KCNQ1: variants seen among roughly 807,000 people sequenced by gnomAD.
KCNQ1 encodes the protein potassium voltage-gated channel subfamily KQT member 1.
Under a neutral mutation model 72.4 loss-of-function variants are expected in KCNQ1, and 49 were observed. That is an observed-to-expected ratio of 0.68 (90% CI 0.54 to 0.86). The LOEUF (loss-of-function observed/expected upper bound fraction) is 0.86. Ranked by LOEUF, KCNQ1 falls within the 40% of genes least tolerant of loss-of-function variation. KCNQ1 has a pLI of 0.00. For missense variants in KCNQ1, 790 were observed against 945.1 expected, an observed-to-expected ratio of 0.84 and a Z score of 2.15; for synonymous variants, 450 against 412.6, an observed-to-expected ratio of 1.09 and a Z score of -1.10.
rs755250942 is a variant in KCNQ1 at position 2,482,212 on chromosome 11, G to A, written c.386+36728G>A. ...TGCGTGTGTGTGTGTGTATATGTGT[G>A]TGTGTGCATACTTGCCTATGTGTGT... On this transcript the variant is annotated intron_variant, in intron 1 of 15. Coordinates refer to ENST00000155840, the MANE Select transcript of KCNQ1 (RefSeq NM_000218.3). This position sits in a 1 kb window ranked among gnomAD's most constrained non-coding sequence, Gnocchi z 5.7. Among the ~76,000 whole-genome samples the A allele has an allele frequency of 1.1e-4, 17 of 152,176 alleles. No individual in the cohort carries two copies. The highest frequency in any genetic ancestry group is 1.6e-4 in the Non-Finnish European group (11 of 68,042).
In KCNQ1 at chr11:2,670,043, GCACT is replaced by G. The variant is rs1850152872; in HGVS notation, c.1514+7967_1514+7970del. The G allele has an allele frequency of 2.5e-6, 1 of 398,518 alleles. No individual in the cohort carries two copies. Among genetic ancestry groups the G allele is most frequent in the South Asian group, 1.3e-4 (1 of 7,858 alleles). The allele number at this position is 398,518 out of a possible 1,614,324, so 24.7% of individuals were successfully genotyped here. A position where few individuals can be genotyped will look rare whatever the true frequency, so the allele number is the denominator to read the frequency against. On this transcript the variant is annotated intron_variant, in intron 11 of 15. Coordinates refer to ENST00000155840, the MANE Select transcript of KCNQ1 (RefSeq NM_000218.3). This position sits in a 1 kb window ranked among gnomAD's most constrained non-coding sequence, Gnocchi z 4.9. ...CCGTGGAGGTACAGGCGGAAACCTA[GCACT>G]CACTATTCTGCTCTGGGGAGGGGGT...
rs1463930590 is a variant in KCNQ1 at position 2,817,101 on chromosome 11, T to C, written c.1795-30666T>C. ...CACCCTAGTCCACATGCCCGACCCATGACCCAGGCCTGTGGCGCCAGCCTG... is the reference window on the plus strand; with the variant it reads ...CACCCTAGTCCACATGCCCGACCCACGACCCAGGCCTGTGGCGCCAGCCTG... On this transcript the variant is annotated intron_variant, in intron 15 of 15. Transcript: ENST00000155840. This position sits in a 1 kb window ranked among gnomAD's most constrained non-coding sequence, Gnocchi z 6.1. 6.6e-6 allele frequency among the ~76,000 whole-genome samples: 1 copy of C among 152,038 alleles called. No individual in the cohort carries two copies. Among genetic ancestry groups the C allele is most frequent in the Non-Finnish European group, 1.5e-5 (1 of 67,976 alleles).
Position 2,608,502 on chromosome 11 carries a change from G to T in KCNQ1, c.1393+19648G>T, listed in dbSNP as rs4287323. 5.0e-6 allele frequency: 2 copies of T among 398,342 alleles called. No individual in the cohort carries two copies. The highest frequency in any genetic ancestry group is 8.8e-6 in the Non-Finnish European group (2 of 226,052). 24.7% of individuals were successfully genotyped at this position (398,342 alleles called of 1,614,324 possible). A position where few individuals can be genotyped will look rare whatever the true frequency, so the allele number is the denominator to read the frequency against. ...TTTCCTTTTCTTTTTGAGAAACAGA[G>T]TCTCTCTCTGTTGCCCAGGCTGGAA... On this transcript the variant is annotated intron_variant, in intron 10 of 15. Transcript: ENST00000155840. This position sits in a 1 kb window ranked among gnomAD's most constrained non-coding sequence, Gnocchi z 4.6.
chr11:2,690,580 C>T lies in KCNQ1; in HGVS notation c.1514+28499C>T. 1 of 398,688 alleles carries T rather than the reference C, an allele frequency of 2.5e-6. No homozygotes were observed. Among genetic ancestry groups the T allele is most frequent in the Non-Finnish European group, 4.4e-6 (1 of 226,114 alleles). 24.7% of individuals were successfully genotyped at this position (398,688 alleles called of 1,614,324 possible). On this transcript the variant is annotated intron_variant, in intron 11 of 15. Coordinates refer to ENST00000155840, the MANE Select transcript of KCNQ1 (RefSeq NM_000218.3). This position sits in a 1 kb window ranked among gnomAD's most constrained non-coding sequence, Gnocchi z 5.1. ...AACATGTCAAAGATGGGACAGAACC[C>T]ACCTCCTGGCAGGGAGTGGGGCACA...
chr11:2,556,151 G>A (rs1329642075), intron 2 of KCNQ1, among the ~76,000 whole-genome samples: 2 of 152,192 alleles, frequency 1.3e-5, no homozygotes, highest in East Asian at 1.9e-4. Context: ...CCCTGCCTCC[G>A]CCTCCATACA....
chr11:2,761,098 G>A (rs915523406), intron 11 of KCNQ1, among the ~76,000 whole-genome samples: 5 of 152,214 alleles, frequency 3.3e-5, no homozygotes, highest in African/African-American at 1.2e-4. Flanking sequence ...GAGAATGAGT[G>A]CAAGGTTTTA....
rs1564879915 is a variant in KCNQ1, at chr11:2,746,866, A to T, written c.1515-21978A>T. Among the ~76,000 whole-genome samples, 1 of 152,186 alleles carries T rather than the reference A, an allele frequency of 6.6e-6. No homozygotes were observed. The highest frequency in any genetic ancestry group is 1.5e-5 in the Non-Finnish European group (1 of 68,012). ...GTGGATCACACTGGTGACCCCTGTG[A>T]GCCCCACTGGGGACAGATCCAGGAA... On this transcript the variant is annotated intron_variant, in intron 11 of 15. Coordinates refer to ENST00000155840, the MANE Select transcript of KCNQ1 (RefSeq NM_000218.3). The surrounding 1 kb of genome is among the most constrained non-coding windows in gnomAD (Gnocchi z 5.9).
chr11:2,666,605 G>C (rs1432900612), intron 11 of KCNQ1: 1 of 398,650 alleles, frequency 2.5e-6, no homozygotes, highest in East Asian at 3.6e-5. Flanking sequence ...TGGAAATAAG[G>C]GCAAACGTCA....
At position 2,623,993 on chromosome 11, in the gene KCNQ1, G is replaced by A. The variant is rs181162813; in HGVS notation, c.1393+35139G>A. 97 of 398,822 alleles carry A rather than the reference G, an allele frequency of 2.4e-4. No homozygotes were observed. Among genetic ancestry groups the A allele is most frequent in the Non-Finnish European group, 3.8e-4 (86 of 226,268 alleles). 24.7% of individuals were successfully genotyped at this position (398,822 alleles called of 1,614,324 possible). A position where few individuals can be genotyped will look rare whatever the true frequency, so the allele number is the denominator to read the frequency against. ...TGCACCACTTTACATTCCCATTAAT[G>A]GTATATGTCAAAGTGGCTGTACCAT... On this transcript the variant is annotated intron_variant, in intron 10 of 15. Transcript: ENST00000155840. This position sits in a 1 kb window ranked among gnomAD's most constrained non-coding sequence, Gnocchi z 5.2.
At chr11:2,789,061 C>A (rs1590088709) in intron 15 of KCNQ1, among the ~76,000 whole-genome samples, 1 of 152,146 alleles carries the variant, frequency 6.6e-6, no homozygotes, top group Non-Finnish European at 1.5e-5. Flanking sequence ...CCTCCCCCAA[C>A]TTCAGGCTAC....
chr11:2,647,522 G>C lies in KCNQ1; in HGVS notation c.1394-14439G>C. The stretch of plus-strand genomic sequence containing the variant: ...AGATACTGCTTGCCTCACAGAATGA[G>C]TTAGGGAGAATTCCTTTCTCTTCAG... On this transcript the variant is annotated intron_variant, in intron 10 of 15. Coordinates refer to ENST00000155840, the MANE Select transcript of KCNQ1 (RefSeq NM_000218.3). The surrounding 1 kb of genome is among the most constrained non-coding windows in gnomAD (Gnocchi z 4.0). 1 of 398,572 alleles carries C rather than the reference G, an allele frequency of 2.5e-6. No individual in the cohort carries two copies. The highest frequency in any genetic ancestry group is 4.4e-6 in the Non-Finnish European group (1 of 226,060). The allele number at this position is 398,572 out of a possible 1,614,324, so 24.7% of individuals were successfully genotyped here. A position where few individuals can be genotyped will look rare whatever the true frequency, so the allele number is the denominator to read the frequency against.
At position 2,720,348 on chromosome 11, in the gene KCNQ1, C is replaced by A. The variant is rs75701313; in HGVS notation, c.1515-48496C>A. Reference sequence around the variant, plus strand: ...TCAGGCACGTACTCCCTGGCTCAGCCGCCTTCCGGGGCCCGGCTACAGTCA... The same window carrying A: ...TCAGGCACGTACTCCCTGGCTCAGCAGCCTTCCGGGGCCCGGCTACAGTCA... On this transcript the variant is annotated intron_variant, in intron 11 of 15. Coordinates refer to ENST00000155840, the MANE Select transcript of KCNQ1 (RefSeq NM_000218.3). The surrounding 1 kb of genome is among the most constrained non-coding windows in gnomAD (Gnocchi z 5.1). Among the ~76,000 whole-genome samples the A allele has an allele frequency of 3.5e-3, 535 of 152,282 alleles. 2 individuals carry two copies. Among genetic ancestry groups the A allele is most frequent in the Non-Finnish European group, 4.5e-3 (305 of 68,026 alleles).
In KCNQ1 at chr11:2,815,156, C is replaced by T. The variant is rs900732791; in HGVS notation, c.1795-32611C>T. Among the ~76,000 whole-genome samples the T allele has an allele frequency of 6.6e-6, 1 of 152,238 alleles. No homozygotes were observed. Among genetic ancestry groups the T allele is most frequent in the Non-Finnish European group, 1.5e-5 (1 of 68,038 alleles). ...TACCAATCCCTCCCCAAATTACCCC[C>T]ATGCTCAGGGTGTCACTGAGGGTCC... is the stretch of plus-strand genomic sequence containing the variant. On this transcript the variant is annotated intron_variant, in intron 15 of 15. Coordinates refer to ENST00000155840, the MANE Select transcript of KCNQ1 (RefSeq NM_000218.3). The surrounding 1 kb of genome is among the most constrained non-coding windows in gnomAD (Gnocchi z 5.4).
At chr11:2,650,602 G>A in intron 10 of KCNQ1, 1 of 398,616 alleles carries the variant, frequency 2.5e-6, no homozygotes. Context: ...AGGCTCCTTA[G>A]AGGTACTTAC....
chr11:2,780,743 G>T (rs952097028), intron 15 of KCNQ1, among the ~76,000 whole-genome samples: 2 of 152,218 alleles, frequency 1.3e-5, no homozygotes. Flanking sequence ...AGCTGAGCTT[G>T]TTCAGGGCTG....
chr11:2,747,154 G>T (rs947461746), intron 11 of KCNQ1, among the ~76,000 whole-genome samples: 1 of 152,368 alleles, frequency 6.6e-6, no homozygotes. Context: ...CATTGAGCCC[G>T]TCTTAAAAGT....
In KCNQ1 at chr11:2,670,322, G is replaced by C; in HGVS notation, c.1514+8241G>C. The C allele has an allele frequency of 2.5e-6, 1 of 398,526 alleles. No individual in the cohort carries two copies. Among genetic ancestry groups the C allele is most frequent in the Non-Finnish European group, 4.4e-6 (1 of 226,080 alleles). 24.7% of individuals were successfully genotyped at this position (398,526 alleles called of 1,614,324 possible). ...CCAATGGAGAGATAATCTCAAATATGGTAGCAGAGTTCAGACTCAGTGGCT... is the reference window on the plus strand; with the variant it reads ...CCAATGGAGAGATAATCTCAAATATCGTAGCAGAGTTCAGACTCAGTGGCT... On this transcript the variant is annotated intron_variant, in intron 11 of 15. Transcript: ENST00000155840. This position sits in a 1 kb window ranked among gnomAD's most constrained non-coding sequence, Gnocchi z 4.9.
In KCNQ1 at chr11:2,573,302, C is replaced by G. The variant is rs149311746; in HGVS notation, c.921+316C>G. ...GGTTTCGGCTCCCCCATGGCTCTGC[C>G]TCCCGCCATCGTCCTAGGTTGCCCA... On this transcript the variant is annotated intron_variant, in intron 6 of 15. Transcript: ENST00000155840. Among the ~76,000 whole-genome samples, 691 of 152,296 alleles carry G rather than the reference C, an allele frequency of 4.5e-3. 2 individuals carry two copies. The highest frequency in any genetic ancestry group is 6.3e-3 in the Non-Finnish European group (430 of 68,022).
At position 2,463,133 on chromosome 11, in the gene KCNQ1, G is replaced by A. The variant is rs1846303052; in HGVS notation, c.386+17649G>A. ...GGGACGGGGTGGATTCCAGGATTCC[G>A]GGTTGTGCTTGGTCAGAGTGGGGAA... On this transcript the variant is annotated intron_variant, in intron 1 of 15. Transcript: ENST00000155840. The surrounding 1 kb of genome is among the most constrained non-coding windows in gnomAD (Gnocchi z 7.0). Among the ~76,000 whole-genome samples the A allele has an allele frequency of 6.6e-6, 1 of 152,106 alleles. No individual in the cohort carries two copies. The highest frequency in any genetic ancestry group is 1.5e-5 in the Non-Finnish European group (1 of 68,002).
Sources: allele counts gnomAD v4.1 joint callset (sites outside exome capture counted in the v4.1 genomes callset), GRCh38; gene constraint gnomAD v4.1.1; non-coding constraint Gnocchi (gnomAD v3.1); transcripts MANE v1.5; gene names NCBI Gene and HGNC (gene_info 2026-07-23, HGNC 2026-07-21).